Variants in HDLBP observed in about 807,000 individuals in gnomAD.
The protein encoded by HDLBP is high density lipoprotein binding protein.
Under a neutral mutation model 137.3 loss-of-function variants are expected in HDLBP, and 30 were observed. That is an observed-to-expected ratio of 0.22 (90% CI 0.16 to 0.30). HDLBP has a LOEUF of 0.30. Among genes scored for constraint, HDLBP ranks in the 10% least tolerant of loss-of-function variants. The pLI is 1.00. For synonymous variants in HDLBP, 606 were observed against 596.0 expected, an observed-to-expected ratio of 1.02 and a Z score of -0.24; for missense variants, 1,119 against 1,667.3, an observed-to-expected ratio of 0.67 and a Z score of 5.73.
intron 5 of HDLBP, among the ~76,000 whole-genome samples, chr2:241,260,117 C>T (rs12622174): frequency 0.16 from 24,203 of 152,116 alleles, 2,432 homozygotes; most frequent in East Asian, 0.4. Flanking sequence ...GATTCTCCTG[C>T]CTCAGCCTCC....
chr2:241,313,511 C>A (rs2075824235), intron 1 of HDLBP, among the ~76,000 whole-genome samples: 1 of 152,168 alleles, frequency 6.6e-6, no homozygotes, highest in Non-Finnish European at 1.5e-5. Context: ...AACTCCTGAC[C>A]TCAAGTGTCC....
At chr2:241,244,179 A>G (rs1180162526) in intron 16 of HDLBP, among the ~76,000 whole-genome samples, 2 of 152,206 alleles carry the variant, frequency 1.3e-5, no homozygotes, top group South Asian at 2.1e-4. Context: ...GAGAAAACCA[A>G]TATCGCTCCT....
At chr2:241,232,301 A>T (rs1310387037) in intron 24 of HDLBP, among the ~76,000 whole-genome samples, 1 of 150,452 alleles carries the variant, frequency 6.6e-6, no homozygotes, top group Admixed American at 6.6e-5. Context: ...TTAAAGACAG[A>T]GTCTCACTCT....
At position 241,240,869 on chromosome 2, in the gene HDLBP, G is replaced by A. The variant is rs1224529781; in HGVS notation, c.2170-747C>T. ...TGCTCCACGGGACTCAGGTCCACACGGGGAGCTCTTGCCTTTCTCCGGACC... is the reference window on the plus strand; with the variant it reads ...TGCTCCACGGGACTCAGGTCCACACAGGGAGCTCTTGCCTTTCTCCGGACC... On this transcript the variant is annotated intron_variant, in intron 17 of 27. Transcript: ENST00000310931. The surrounding 1 kb of genome is among the most constrained non-coding windows in gnomAD (Gnocchi z 5.5). 1.3e-5 allele frequency among the ~76,000 whole-genome samples: 2 copies of A among 152,138 alleles called. No individual in the cohort carries two copies. Among genetic ancestry groups the A allele is most frequent in the African/African-American group, 2.4e-5 (1 of 41,438 alleles).
chr2:241,265,293 C>T (rs1471225720), intron 3 of HDLBP, among the ~76,000 whole-genome samples: 1 of 152,156 alleles, frequency 6.6e-6, no homozygotes, highest in Non-Finnish European at 1.5e-5. Context: ...TGGTGCATGC[C>T]TGTAATCCCA....
intron 1 of HDLBP, among the ~76,000 whole-genome samples, chr2:241,279,295 C>G (rs530274923): frequency 2.6e-5 from 4 of 152,050 alleles, no homozygotes; most frequent in Non-Finnish European, 4.4e-5. Context: ...TACAAGTTTT[C>G]TATATGTAAT....
rs2069654030 is a variant in HDLBP at position 241,230,790 on chromosome 2, T to C, written c.3443A>G (p.Lys1148Arg). ...VHARIIGARG[K>R]AIRKIMDEFK... is the part of the protein sequence containing the mutation. The stretch of plus-strand genomic sequence containing the variant: ...TTCGTCCATGATTTTGCGAATGGCT[T>C]TGCCGCGGGCACCAATGATGCGGGC... Residue 1148 changes from lysine (K) to arginine (R), a missense_variant, in exon 25 of 28, where the codon AAA becomes AGA. By Grantham distance (26) the Lys-to-Arg change is conservative (BLOSUM62 2). Transcript: ENST00000310931. The surrounding 1 kb of genome is among the most constrained non-coding windows in gnomAD (Gnocchi z 5.0). 1.2e-6 allele frequency: 2 copies of C among 1,614,232 alleles called. No homozygotes were observed. The highest frequency in any genetic ancestry group is 1.7e-6 in the Non-Finnish European group (2 of 1,180,030).
intron 1 of HDLBP, among the ~76,000 whole-genome samples, chr2:241,284,785 G>A (rs957513623): frequency 1.2e-4 from 19 of 152,192 alleles, no homozygotes; most frequent in African/African-American, 4.1e-4. Flanking sequence ...TGATCAGTCA[G>A]CAGCCATCAA....
Position 241,240,030 on chromosome 2 carries a change from G to T in HDLBP, c.2262C>A (p.Arg754=). The change falls in exon 18 of 28, where the codon CGC becomes CGA. Residue 754 remains arginine (R), a synonymous_variant. Coordinates refer to ENST00000310931, the MANE Select transcript of HDLBP (RefSeq NM_005336.6). The surrounding 1 kb of genome is among the most constrained non-coding windows in gnomAD (Gnocchi z 5.5). ...GKGGGKIRKV[R]DSTGARVIFP... is the part of the protein sequence containing the mutation. ...AGATGACACGTGCTCCAGTGCTGTC[G>T]CGCACCTTGCGAATTTTGCCGCCCC... 1 of 1,614,176 alleles carries T rather than the reference G, an allele frequency of 6.2e-7. No individual in the cohort carries two copies. Among genetic ancestry groups the T allele is most frequent in the South Asian group, 1.1e-5 (1 of 91,082 alleles).
chr2:241,305,422 C>T (rs2075538126), intron 1 of HDLBP, among the ~76,000 whole-genome samples: 1 of 152,218 alleles, frequency 6.6e-6, no homozygotes, highest in Non-Finnish European at 1.5e-5. Context: ...CGGACCTGGC[C>T]AGGCTCTACT....
chr2:241,232,984 AGAAGGG>A (rs373185324), intron 24 of HDLBP, among the ~76,000 whole-genome samples: 50 of 144,368 alleles, frequency 3.5e-4, no homozygotes, highest in African/African-American at 8.6e-4. Flanking sequence ...CTGGGGAGGA[AGAAGGG>A]GAAGGGGAAG....
In HDLBP at chr2:241,239,725, C is replaced by G. The variant is rs759392733; in HGVS notation, c.2487G>C (p.Glu829Asp). The G allele has an allele frequency of 6.2e-7, 1 of 1,614,248 alleles. No individual in the cohort carries two copies. Among genetic ancestry groups the G allele is most frequent in the Non-Finnish European group, 8.5e-7 (1 of 1,180,058 alleles). The change falls in exon 19 of 28, where the codon GAG becomes GAC. Residue 829 changes from glutamate to aspartate, a missense_variant. This residue lies in a region of HDLBP where 618 missense variants were observed against 816.7 expected (regional missense o/e 0.76). Coordinates refer to ENST00000310931, the MANE Select transcript of HDLBP (RefSeq NM_005336.6). The surrounding 1 kb of genome is among the most constrained non-coding windows in gnomAD (Gnocchi z 4.6). ...GGAAGCTGACCATCACCCCGCCATA[C>G]TCTTCAGCAATCTCCCGCAAGACCT... is the stretch of plus-strand genomic sequence containing the variant. ...RGQVLREIAE[E>D]YGGVMVSFPR... is the part of the protein sequence containing the mutation.
rs376837012 is a variant in HDLBP, at chr2:241,272,275, G to C, written c.-102-3734C>G. On this transcript the variant is annotated intron_variant, in intron 1 of 27. Transcript: ENST00000310931. This position sits in a 1 kb window ranked among gnomAD's most constrained non-coding sequence, Gnocchi z 5.6. Reference sequence around the variant, plus strand: ...CCACCTGGGGGGAAGGACCCCGCTGGCCTCCCAGGGACCCCCACCCTGGCC... The same window carrying C: ...CCACCTGGGGGGAAGGACCCCGCTGCCCTCCCAGGGACCCCCACCCTGGCC... 32 of 976,068 alleles carry C rather than the reference G, an allele frequency of 3.3e-5. No homozygotes were observed. In the East Asian group the frequency reaches 6.9e-4, roughly 21 times the overall value. 60.5% of individuals were successfully genotyped at this position (976,068 alleles called of 1,614,324 possible).
chr2:241,295,512 G>A (rs1318706186), intron 1 of HDLBP, among the ~76,000 whole-genome samples: 1 of 152,156 alleles, frequency 6.6e-6, no homozygotes, highest in Non-Finnish European at 1.5e-5. Context: ...CTGAATCATG[G>A]AGATGATGCC....
intron 5 of HDLBP, among the ~76,000 whole-genome samples, chr2:241,257,032 C>T (rs1302348929): frequency 6.6e-6 from 1 of 152,154 alleles, no homozygotes; most frequent in East Asian, 1.9e-4. Flanking sequence ...ACTTAACATC[C>T]ACTGGAATAT....
chr2:241,267,455 C>A, intron 2 of HDLBP: 3 of 881,930 alleles, frequency 3.4e-6, no homozygotes, highest in South Asian at 1.5e-5. Flanking sequence ...CACCCCTAAC[C>A]GCAGGGGTGG....
At chr2:241,286,038 A>G (rs2074793129) in intron 1 of HDLBP, among the ~76,000 whole-genome samples, 1 of 152,202 alleles carries the variant, frequency 6.6e-6, no homozygotes, top group Non-Finnish European at 1.5e-5. Context: ...AAAAAGTCAA[A>G]TGGAGGAAAA....
intron 16 of HDLBP, among the ~76,000 whole-genome samples, chr2:241,244,750 C>CTG (rs1196503334): frequency 6.6e-6 from 1 of 152,126 alleles, no homozygotes; most frequent in Non-Finnish European, 1.5e-5. Flanking sequence ...GAAATGGCAA[C>CTG]TGTGTGGATA....
chr2:241,251,521 C>T (rs1190691433), intron 11 of HDLBP, among the ~76,000 whole-genome samples: 1 of 152,242 alleles, frequency 6.6e-6, no homozygotes, highest in Non-Finnish European at 1.5e-5. Context: ...CGGTGTCCCA[C>T]TACCTGGGAA....
Sources: gnomAD v4.1 joint callset for allele counts (sites outside exome capture counted in the v4.1 genomes callset) on GRCh38, gnomAD v4.1.1 for gene constraint, gnomAD v4.1.1 regional missense constraint, Gnocchi (gnomAD v3.1) non-coding constraint, MANE v1.5 for transcripts, NCBI Gene and HGNC (gene_info 2026-07-23, HGNC 2026-07-21) for gene names.